The following PDSS2 variants were observed in gnomAD, a reference collection of about 807,000 sequenced individuals.
PDSS2 encodes the protein all trans-polyprenyl-diphosphate synthase PDSS2.
A neutral mutation model predicts 44.5 loss-of-function variants in PDSS2; 31 were observed. The observed-to-expected ratio is 0.70, with a 90% CI of 0.52 to 0.94. The LOEUF is 0.94. Ranked by LOEUF, PDSS2 falls within the 40% of genes least tolerant of loss-of-function variation. The pLI, the probability that PDSS2 is intolerant of heterozygous loss-of-function variation, is 0.00. For missense variants in PDSS2, 452 were observed against 482.2 expected (o/e 0.94, Z 0.59); for synonymous variants, 157 against 180.3 (o/e 0.87, Z 1.03).
chr6:107,211,080 G>A (rs919152945), intron 5 of PDSS2, among the ~76,000 whole-genome samples: 1 of 151,804 alleles, frequency 6.6e-6, no homozygotes, highest in Admixed American at 6.6e-5. Context: ...TTTCTAGTGG[G>A]TGGTGGTCTT....
At chr6:107,449,750 TTA>T (rs1781804570) in intron 1 of PDSS2, among the ~76,000 whole-genome samples, 1 of 152,180 alleles carries the variant, frequency 6.6e-6, no homozygotes, top group African/African-American at 2.4e-5. Flanking sequence ...ATTTATTTTT[TTA>T]TAGAGATGGG....
chr6:107,459,276 G>A lies in PDSS2; in HGVS notation c.10C>T (p.Arg4Trp). 6.2e-7 allele frequency: 1 copy of A among 1,613,994 alleles called. No homozygotes were observed. The highest frequency in any genetic ancestry group is 8.5e-7 in the Non-Finnish European group (1 of 1,179,980). The change falls in exon 1 of 8, where the codon CGG becomes TGG. Residue 4 changes from arginine to tryptophan, a missense_variant. Arg to Trp is a moderately radical substitution (Grantham distance 101, BLOSUM62 -3). Coordinates refer to ENST00000369037, the MANE Select transcript of PDSS2 (RefSeq NM_020381.4). The surrounding 1 kb of genome is among the most constrained non-coding windows in gnomAD (Gnocchi z 4.3). MNF[R>W]QLLLHLPRYL... Reference sequence around the variant, plus strand: ...CGTGGCAAGTGCAACAGCAGCTGCCGAAAGTTCATGGTTTGAGTCTGGAAG... The same window carrying A: ...CGTGGCAAGTGCAACAGCAGCTGCCAAAAGTTCATGGTTTGAGTCTGGAAG...
chr6:107,222,950 A>AT lies in PDSS2; in HGVS notation c.703-10669dup, dbSNP rs562711484. On this transcript the variant is annotated intron_variant, in intron 4 of 7. Transcript: ENST00000369037. ...GTGACACCCTGTCTCTACAAAAAAA[A>AT]TTTTTTTTTTTTTTTTAAGATGGAG... is the stretch of plus-strand genomic sequence containing the variant. 3.6e-3 allele frequency among the ~76,000 whole-genome samples: 507 copies of AT among 141,662 alleles called. 1 individual carries two copies. Among genetic ancestry groups the AT allele is most frequent in the South Asian group, 0.01 (46 of 4,382 alleles). 92.9% of individuals were successfully genotyped at this position (141,662 alleles called of 152,430 possible). A position where few individuals can be genotyped will look rare whatever the true frequency, so the allele number is the denominator to read the frequency against.
At chr6:107,372,492 C>G (rs1044590102) in intron 1 of PDSS2, among the ~76,000 whole-genome samples, 1 of 152,132 alleles carries the variant, frequency 6.6e-6, no homozygotes, top group Non-Finnish European at 1.5e-5. Flanking sequence ...CGCTCTGTCG[C>G]CCAAGCTGGA....
At chr6:107,397,959 C>T (rs1451509060) in intron 1 of PDSS2, among the ~76,000 whole-genome samples, 19 of 151,986 alleles carry the variant, frequency 1.3e-4, no homozygotes, top group Admixed American at 1.2e-3. Context: ...ATGCATGGTA[C>T]AAAATTATGG....
chr6:107,363,087 G>A (rs1303011066), intron 1 of PDSS2, among the ~76,000 whole-genome samples: 1 of 152,222 alleles, frequency 6.6e-6, no homozygotes, highest in South Asian at 2.1e-4. Context: ...AGAAGATGAG[G>A]AAAAGTGAGA....
intron 1 of PDSS2, among the ~76,000 whole-genome samples, chr6:107,445,541 GATAA>G (rs1279932026): frequency 1.3e-5 from 2 of 152,140 alleles, no homozygotes; most frequent in Admixed American, 1.3e-4. Context: ...TATTAAATGG[GATAA>G]ATAAAGACTA....
chr6:107,449,432 C>T (rs1232236694), intron 1 of PDSS2, among the ~76,000 whole-genome samples: 1 of 152,112 alleles, frequency 6.6e-6, no homozygotes, highest in Non-Finnish European at 1.5e-5. Context: ...AACTATTAAA[C>T]AACTCTCCAT....
rs866479082 is a variant in PDSS2, at chr6:107,288,901, C to A, written c.432-14674G>T. Among the ~76,000 whole-genome samples, 3 of 150,082 alleles carry A rather than the reference C, an allele frequency of 2.0e-5. No homozygotes were observed. The South Asian group carries it at 6.4e-4, about 32-fold the overall frequency. On this transcript the variant is annotated intron_variant, in intron 2 of 7. Transcript: ENST00000369037. The stretch of plus-strand genomic sequence containing the variant: ...AGCCTCCCGAGTAGCTGGGATTACA[C>A]GTGTCCGCCACCAAGCCCAGCTAAT...
intron 1 of PDSS2, among the ~76,000 whole-genome samples, chr6:107,363,639 C>A (rs921005157): frequency 6.6e-6 from 1 of 152,242 alleles, no homozygotes; most frequent in African/African-American, 2.4e-5. Flanking sequence ...AAGAACAAAG[C>A]TCCCACGGTG....
At chr6:107,454,236 T>C (rs1781963784) in intron 1 of PDSS2, among the ~76,000 whole-genome samples, 1 of 151,984 alleles carries the variant, frequency 6.6e-6, no homozygotes, top group Non-Finnish European at 1.5e-5. Flanking sequence ...TTTGTAGAGA[T>C]GGGGTTTCAC....
intron 3 of PDSS2, among the ~76,000 whole-genome samples, chr6:107,271,361 ATAGT>A (rs1487539999): frequency 5.3e-5 from 8 of 152,236 alleles, no homozygotes; most frequent in Admixed American, 4.6e-4. Context: ...AAGCAATAAA[ATAGT>A]TATAGATTTA....
chr6:107,305,947 T>C (rs1776845515), intron 2 of PDSS2, among the ~76,000 whole-genome samples: 1 of 152,182 alleles, frequency 6.6e-6, no homozygotes, highest in South Asian at 2.1e-4. Flanking sequence ...TAGAAGAATA[T>C]TGAGGATACC....
intron 1 of PDSS2, among the ~76,000 whole-genome samples, chr6:107,384,127 T>C (rs1779534922): frequency 6.6e-6 from 1 of 152,140 alleles, no homozygotes; most frequent in South Asian, 2.1e-4. Flanking sequence ...CCTGAAGATA[T>C]TACACAAAGT....
chr6:107,307,718 G>C (rs1217949099), intron 2 of PDSS2, among the ~76,000 whole-genome samples: 2 of 151,830 alleles, frequency 1.3e-5, no homozygotes. Flanking sequence ...TACCATTATT[G>C]TCTTCCCTAT....
intron 5 of PDSS2, among the ~76,000 whole-genome samples, chr6:107,211,656 G>A (rs1472860320): frequency 2.0e-5 from 3 of 151,554 alleles, no homozygotes; most frequent in Non-Finnish European, 4.4e-5. Context: ...CTTGAACCTG[G>A]GAGGCAGAGG....
chr6:107,410,506 T>C (rs769151238), intron 1 of PDSS2, among the ~76,000 whole-genome samples: 17 of 150,460 alleles, frequency 1.1e-4, no homozygotes, highest in Non-Finnish European at 2.2e-4. Flanking sequence ...GTTTGTTTTT[T>C]GAGACAGAGT....
chr6:107,346,112 T>C (rs752483460), intron 1 of PDSS2, among the ~76,000 whole-genome samples: 1 of 152,244 alleles, frequency 6.6e-6, no homozygotes, highest in Admixed American at 6.5e-5. Context: ...AATTTGATTT[T>C]TAAAAGTTAC....
chr6:107,341,091 T>A (rs1778065795), intron 1 of PDSS2, among the ~76,000 whole-genome samples: 1 of 151,900 alleles, frequency 6.6e-6, no homozygotes, highest in Non-Finnish European at 1.5e-5. Context: ...TTGTGTACGG[T>A]GGAAAGGAGA....
Sources: allele counts gnomAD v4.1 joint callset (sites outside exome capture counted in the v4.1 genomes callset), GRCh38; gene constraint gnomAD v4.1.1; non-coding constraint Gnocchi (gnomAD v3.1); transcripts MANE v1.5; gene names NCBI Gene and HGNC (gene_info 2026-07-23, HGNC 2026-07-21).